Variants in KCND2 observed in about 807,000 individuals in gnomAD.
KCND2 encodes A-type voltage-gated potassium channel KCND2.
A neutral mutation model predicts 54.4 loss-of-function variants in KCND2; 16 were observed. That is an observed-to-expected ratio of 0.29 (90% CI 0.20 to 0.45). The LOEUF (loss-of-function observed/expected upper bound fraction) is 0.45. KCND2 is among the 20% of genes least tolerant of loss of function. The pLI is 1.00. For missense variants in KCND2, 486 were observed against 824.2 expected (o/e 0.59, Z 5.02); for synonymous variants, 317 against 310.7 (o/e 1.02, Z -0.21).
At chr7:120,706,879 G>C (rs1181103338) in intron 1 of KCND2, among the ~76,000 whole-genome samples, 1 of 152,054 alleles carries the variant, frequency 6.6e-6, no homozygotes, top group Non-Finnish European at 1.5e-5. Context: ...TTTCTATAGA[G>C]AGAATAGAAA....
rs542903812 is a variant in KCND2, at chr7:120,383,777, A to G, written c.1115+108030A>G. ...CAGTGTAAAGCTTAACTACAGGAAC[A>G]GTCTCTTGCAGTGTCAAATAAGGTA... On this transcript the variant is annotated intron_variant, in intron 1 of 5. Coordinates refer to ENST00000331113, the MANE Select transcript of KCND2 (RefSeq NM_012281.3). Among the ~76,000 whole-genome samples, 6 of 152,262 alleles carry G rather than the reference A, an allele frequency of 3.9e-5. No homozygotes were observed. In the East Asian group the frequency reaches 1.2e-3, roughly 29 times the overall value.
intron 1 of KCND2, among the ~76,000 whole-genome samples, chr7:120,689,120 A>T (rs1187115712): frequency 6.6e-6 from 1 of 152,174 alleles, no homozygotes; most frequent in Non-Finnish European, 1.5e-5. Context: ...TTATCTTATG[A>T]GAAACAGGAG....
chr7:120,386,719 A>T (rs956784570), intron 1 of KCND2, among the ~76,000 whole-genome samples: 1 of 152,078 alleles, frequency 6.6e-6, no homozygotes, highest in African/African-American at 2.4e-5. Context: ...CACAAATTTC[A>T]CTGTTATATG....
chr7:120,651,401 G>A (rs1791731075), intron 1 of KCND2, among the ~76,000 whole-genome samples: 1 of 152,144 alleles, frequency 6.6e-6, no homozygotes, highest in Admixed American at 6.5e-5. Flanking sequence ...CCATGGGCGT[G>A]GGACTCTCCC....
At chr7:120,290,999 T>C (rs1799428085) in intron 1 of KCND2, among the ~76,000 whole-genome samples, 1 of 151,992 alleles carries the variant, frequency 6.6e-6, no homozygotes, top group African/African-American at 2.4e-5. Flanking sequence ...GAATATTGAC[T>C]GAACAAAAAT....
At chr7:120,360,164 C>G (rs1312307717) in intron 1 of KCND2, among the ~76,000 whole-genome samples, 1 of 152,054 alleles carries the variant, frequency 6.6e-6, no homozygotes, top group Non-Finnish European at 1.5e-5. Context: ...CTGATTATTA[C>G]TATCATCAGC....
chr7:120,450,656 T>A (rs1802089583), intron 1 of KCND2, among the ~76,000 whole-genome samples: 1 of 152,308 alleles, frequency 6.6e-6, no homozygotes, highest in South Asian at 2.1e-4. Context: ...ATGATCTGAC[T>A]TAGAATCATT....
chr7:120,697,538 A>G (rs1792346868), intron 1 of KCND2, among the ~76,000 whole-genome samples: 1 of 152,220 alleles, frequency 6.6e-6, no homozygotes, highest in Admixed American at 6.5e-5. Flanking sequence ...TGTATACTTT[A>G]ATATGAAATT....
intron 1 of KCND2, among the ~76,000 whole-genome samples, chr7:120,548,828 T>C (rs537056037): frequency 9.2e-5 from 14 of 152,178 alleles, no homozygotes; most frequent in African/African-American, 3.4e-4. Flanking sequence ...CCATGGCTGA[T>C]GAAGACTGTA....
At chr7:120,571,596 A>G (rs576592301) in intron 1 of KCND2, among the ~76,000 whole-genome samples, 7 of 152,242 alleles carry the variant, frequency 4.6e-5, no homozygotes, top group Non-Finnish European at 7.3e-5. Context: ...TTTATTTTAC[A>G]TAAAGCATCA....
chr7:120,634,881 A>G (rs1584863260), intron 1 of KCND2, among the ~76,000 whole-genome samples: 1 of 152,096 alleles, frequency 6.6e-6, no homozygotes, highest in African/African-American at 2.4e-5. Flanking sequence ...GCTGCTCCCC[A>G]GCGTTGCTGT....
intron 1 of KCND2, among the ~76,000 whole-genome samples, chr7:120,439,547 A>T (rs1483727974): frequency 6.6e-6 from 1 of 152,052 alleles, no homozygotes; most frequent in Non-Finnish European, 1.5e-5. Context: ...CTGAAAATAT[A>T]CAATAAATTA....
intron 1 of KCND2, among the ~76,000 whole-genome samples, chr7:120,590,485 CATTT>C (rs2116457157): frequency 6.6e-6 from 1 of 152,274 alleles, no homozygotes; most frequent in East Asian, 1.9e-4. Context: ...ACTATCCATT[CATTT>C]ATTAGGGGAA....
intron 1 of KCND2, among the ~76,000 whole-genome samples, chr7:120,397,995 G>GTA (rs200944488): frequency 3.1e-4 from 29 of 93,112 alleles, no homozygotes; most frequent in African/African-American, 1.3e-3. Context: ...GTGTGTGTGT[G>GTA]TATATATATA....
intron 1 of KCND2, among the ~76,000 whole-genome samples, chr7:120,428,179 C>T (rs886919747): frequency 1.3e-5 from 2 of 152,078 alleles, no homozygotes; most frequent in Non-Finnish European, 2.9e-5. Context: ...AAAATCAATG[C>T]TATAATTGTG....
At chr7:120,511,609 C>T (rs1228121294) in intron 1 of KCND2, among the ~76,000 whole-genome samples, 1 of 152,074 alleles carries the variant, frequency 6.6e-6, no homozygotes, top group Non-Finnish European at 1.5e-5. Context: ...TAAATTGTTA[C>T]TTTGTCATTT....
chr7:120,740,907 A>G (rs1201556645), intron 2 of KCND2: 5 of 453,402 alleles, frequency 1.1e-5, no homozygotes, highest in East Asian at 1.4e-4. Context: ...GTTTTTGTTT[A>G]TTTGTTTGTT....
chr7:120,463,173 A>C (rs1289075629), intron 1 of KCND2, among the ~76,000 whole-genome samples: 1 of 151,986 alleles, frequency 6.6e-6, no homozygotes, highest in Non-Finnish European at 1.5e-5. Context: ...AGATGGTTAA[A>C]CCATGACTTA....
chr7:120,403,536 G>A lies in KCND2; in HGVS notation c.1115+127789G>A, dbSNP rs986939307. 1.2e-4 allele frequency among the ~76,000 whole-genome samples: 18 copies of A among 149,156 alleles called. No individual in the cohort carries two copies. The South Asian group carries it at 1.7e-3, about 14-fold the overall frequency. ...AAAAGAGGCAGGGTCTCATCATGTGGTCAGGCTGGTCTCAAACTTCTGACC... is the reference window on the plus strand; with the variant it reads ...AAAAGAGGCAGGGTCTCATCATGTGATCAGGCTGGTCTCAAACTTCTGACC... On this transcript the variant is annotated intron_variant, in intron 1 of 5. Transcript: ENST00000331113.
Sources: gnomAD v4.1 joint callset for allele counts (sites outside exome capture counted in the v4.1 genomes callset) on GRCh38, gnomAD v4.1.1 for gene constraint, MANE v1.5 for transcripts, NCBI Gene and HGNC (gene_info 2026-07-23, HGNC 2026-07-21) for gene names.